TCF3: variants seen among roughly 807,000 people sequenced by gnomAD.
The protein encoded by TCF3 is transcription factor 3, also known as transcription factor E2-alpha.
TCF3 carries 54 observed loss-of-function variants against 72.3 expected under a neutral mutation model. The ratio of observed to expected loss-of-function variants is 0.75; its 90% CI spans 0.60 to 0.94. The LOEUF is 0.94. Ranked by LOEUF, TCF3 falls within the 40% of genes least tolerant of loss-of-function variation. The probability of loss-of-function intolerance (pLI) is 0.00; values close to 1 mark genes in which losing one functional copy is unlikely to be tolerated. For synonymous variants in TCF3, 525 were observed against 412.6 expected, an observed-to-expected ratio of 1.27 and a Z score of -3.30; for missense variants, 1,078 against 934.4, an observed-to-expected ratio of 1.15 and a Z score of -2.00.
intron 3 of TCF3, among the ~76,000 whole-genome samples, chr19:1,640,334 G>A (rs943094428): frequency 2.0e-5 from 3 of 152,106 alleles, no homozygotes; most frequent in African/African-American, 7.2e-5. Flanking sequence ...AGGAGACCGA[G>A]ACTGTCCTGG....
At chr19:1,624,823 G>A (rs1429301416) in intron 7 of TCF3, among the ~76,000 whole-genome samples, 3 of 152,126 alleles carry the variant, frequency 2.0e-5, no homozygotes, top group South Asian at 4.1e-4. Flanking sequence ...GATCTTTTAC[G>A]TTTTTGTGCT....
rs1002312504 is a variant in TCF3 at position 1,609,484 on chromosome 19, C to A, written c.*2223G>T. On this transcript the variant is annotated 3_prime_UTR_variant, in exon 19 of 19. Transcript: ENST00000262965. Reference sequence around the variant, plus strand: ...CACTCAGATCACACCCCCCACCCCCCATAATTGTGGTTCCCAGGAACTGCT... The same window carrying A: ...CACTCAGATCACACCCCCCACCCCCAATAATTGTGGTTCCCAGGAACTGCT... 4.2e-5 allele frequency: 9 copies of A among 215,360 alleles called. No homozygotes were observed. Among genetic ancestry groups the A allele is most frequent in the Non-Finnish European group, 8.4e-5 (9 of 107,404 alleles). The allele number at this position is 215,360 out of a possible 1,614,324, so 13.3% of individuals were successfully genotyped here. A position where few individuals can be genotyped will look rare whatever the true frequency, so the allele number is the denominator to read the frequency against.
chr19:1,646,763 A>T (rs1464959610), intron 2 of TCF3, among the ~76,000 whole-genome samples: 1 of 152,228 alleles, frequency 6.6e-6, no homozygotes, highest in African/African-American at 2.4e-5. Flanking sequence ...CATTAGGCGA[A>T]GGATACAACT....
Position 1,632,348 on chromosome 19 carries a change from G to A in TCF3, c.203C>T (p.Ser68Phe). 1 of 1,590,496 alleles carries A rather than the reference G, an allele frequency of 6.3e-7. No individual in the cohort carries two copies. Among genetic ancestry groups the A allele is most frequent in the Non-Finnish European group, 8.6e-7 (1 of 1,168,832 alleles). Residue 68 changes from serine to phenylalanine, a missense_variant, in exon 4 of 19, where the codon TCC becomes TTC. By Grantham distance (155) the Ser-to-Phe change is radical (BLOSUM62 -2). Coordinates refer to ENST00000262965, the MANE Select transcript of TCF3 (RefSeq NM_003200.5). ...GACTCCTACCCGGCTGGGGTCAAAGGAGGAGCTGCTCTGGTCGCCGCTGCC... is the reference window on the plus strand; with the variant it reads ...GACTCCTACCCGGCTGGGGTCAAAGAAGGAGCTGCTCTGGTCGCCGCTGCC... ...SWGSGDQSSS[S>F]FDPSRTFSEG...
Position 1,615,503 on chromosome 19 carries a change from TC to T in TCF3, c.1603del (p.Asp535ThrfsTer66). 2 of 1,608,710 alleles carry T rather than the reference TC, an allele frequency of 1.2e-6. No individual in the cohort carries two copies. Among genetic ancestry groups the T allele is most frequent in the East Asian group, 2.2e-5 (1 of 44,858 alleles). On this transcript the variant is annotated frameshift_variant, in exon 18 of 19. Transcript: ENST00000262965. LOFTEE classifies it high-confidence loss of function. The surrounding 1 kb of genome is among the most constrained non-coding windows in gnomAD (Gnocchi z 7.3). Reference sequence around the variant, plus strand: ...CTTCTGCTCTGGGGGGAGAAGGTCGTCCTCGTCCTCGTCTGGGCTATGGGGA... The same window carrying T: ...CTTCTGCTCTGGGGGGAGAAGGTCGTCTCGTCCTCGTCTGGGCTATGGGGA... ...RARTSPDEDE[D>X]DLLPPEQKAE...
Position 1,632,484 on chromosome 19 carries a change from G to T in TCF3, c.146-79C>A. The T allele has an allele frequency of 2.1e-6, 3 of 1,453,656 alleles. No homozygotes were observed. In the South Asian group the frequency reaches 3.7e-5, roughly 18 times the overall value. The allele number at this position is 1,453,656 out of a possible 1,614,324, so 90.0% of individuals were successfully genotyped here. The stretch of plus-strand genomic sequence containing the variant: ...AAAGCTTCGGTTCATCATCTCAGGG[G>T]CAAACCTCAGTGGACCCGGGGGGCT... On this transcript the variant is annotated intron_variant, in intron 3 of 18. Coordinates refer to ENST00000262965, the MANE Select transcript of TCF3 (RefSeq NM_003200.5).
chr19:1,643,161 C>T (rs558276375), intron 3 of TCF3, among the ~76,000 whole-genome samples: 57 of 152,286 alleles, frequency 3.7e-4, no homozygotes, highest in African/African-American at 1.3e-3. Context: ...TTTTAAATGT[C>T]TTCCGATCCA....
intron 16 of TCF3, among the ~76,000 whole-genome samples, chr19:1,617,126 G>A (rs1327581145): frequency 1.3e-5 from 2 of 152,242 alleles, no homozygotes; most frequent in Non-Finnish European, 2.9e-5. Flanking sequence ...AAAGTTGAGG[G>A]ACCTGAACAG....
rs781628625 is a variant in TCF3, at chr19:1,619,330, G to A, written c.1312C>T (p.Arg438Trp). 1.8e-5 allele frequency: 29 copies of A among 1,576,020 alleles called. No individual in the cohort carries two copies. The highest frequency in any genetic ancestry group is 2.0e-4 in the Middle Eastern group (1 of 5,076). Reference protein sequence around the residue: ...GFTGPMSLGGRHAGLVGGSHP... With the variant: ...GFTGPMSLGGWHAGLVGGSHP... ...CCAGCGCTCACCAGGCCTGCGTGCC[G>A]CCCGCCCAGTGACATGGGGCCGGTG... The change falls in exon 15 of 19, where the codon CGG becomes TGG. Residue 438 changes from arginine (R) to tryptophan (W), a missense_variant. By Grantham distance (101) the Arg-to-Trp change is moderately radical (BLOSUM62 -3). Coordinates refer to ENST00000262965, the MANE Select transcript of TCF3 (RefSeq NM_003200.5).
Position 1,621,062 on chromosome 19 carries a change from G to A in TCF3, c.1015-16C>T. 6.5e-7 allele frequency: 1 copy of A among 1,526,718 alleles called. No individual in the cohort carries two copies. Among genetic ancestry groups the A allele is most frequent in the South Asian group, 1.2e-5 (1 of 81,808 alleles). 94.6% of individuals were successfully genotyped at this position (1,526,718 alleles called of 1,614,324 possible). On this transcript the variant is annotated splice_polypyrimidine_tract_variant and intron_variant, in intron 12 of 18. Transcript: ENST00000262965. The stretch of plus-strand genomic sequence containing the variant: ...GGGAGTAGATCTGCGAGGAGGACCA[G>A]GAGAGATGGGCGGTCAGGGGCCGGC...
chr19:1,622,580 T>G (rs1215594309), intron 8 of TCF3, among the ~76,000 whole-genome samples, 165 bp from the exon 9 acceptor site: 2 of 152,048 alleles, frequency 1.3e-5, no homozygotes, highest in East Asian at 1.9e-4. Context: ...CTGGCCAAGT[T>G]TGAGGTTCTT....
intron 5 of TCF3, among the ~76,000 whole-genome samples, chr19:1,630,192 G>T (rs1447995380): frequency 1.3e-5 from 2 of 152,166 alleles, no homozygotes; most frequent in East Asian, 3.9e-4. Context: ...TGAGGAAGAG[G>T]CTGGGAGGAA....
chr19:1,615,610 G>T lies in TCF3; in HGVS notation c.1586+76C>A. On this transcript the variant is annotated intron_variant, in intron 17 of 18. Coordinates refer to ENST00000262965, the MANE Select transcript of TCF3 (RefSeq NM_003200.5). This position sits in a 1 kb window ranked among gnomAD's most constrained non-coding sequence, Gnocchi z 7.3. ...CCGCCGACGGCCTCCCAGTGTGGGT[G>T]CGGTGTGCGTGTGGCCTGTGCACAT... 1 of 1,609,314 alleles carries T rather than the reference G, an allele frequency of 6.2e-7. No individual in the cohort carries two copies.
At chr19:1,633,683 G>A (rs1437867156) in intron 3 of TCF3, among the ~76,000 whole-genome samples, 3 of 152,142 alleles carry the variant, frequency 2.0e-5, no homozygotes, top group Admixed American at 6.5e-5. Context: ...TTATGAGTGG[G>A]GGGCTGGGAT....
intron 5 of TCF3, 32 bp from the exon 6 acceptor site, chr19:1,627,458 C>T (rs748932590): frequency 4.4e-5 from 70 of 1,606,338 alleles, no homozygotes; most frequent in Middle Eastern, 3.4e-4. Flanking sequence ...TAGTGGGAGG[C>T]GACCCCAAGG....
chr19:1,623,996 CGT>C lies in TCF3; in HGVS notation c.502_503del (p.Thr168AlafsTer23), dbSNP rs761769409. ...RRRAADGSLD[T>X]QPKKVRKVPP... ...GGACCTTCCGGACCTTCTTGGGCTG[CGT>C]GTCTGTTAGAAGCAAAAGGGGTGAG... On this transcript the variant is annotated frameshift_variant and splice_region_variant, in exon 8 of 19. Coordinates refer to ENST00000262965, the MANE Select transcript of TCF3 (RefSeq NM_003200.5). LOFTEE classifies it high-confidence loss of function. 6.2e-7 allele frequency: 1 copy of C among 1,613,368 alleles called. No individual in the cohort carries two copies. The highest frequency in any genetic ancestry group is 8.5e-7 in the Non-Finnish European group (1 of 1,179,904).
Position 1,650,195 on chromosome 19 carries a change from G to C in TCF3, c.54C>G (p.Asp18Glu). 6.4e-7 allele frequency: 1 copy of C among 1,572,350 alleles called. No individual in the cohort carries two copies. The highest frequency in any genetic ancestry group is 1.3e-5 in the African/African-American group (1 of 74,722). Reference sequence around the variant, plus strand: ...GGCTCACCATGCTGAAGTCCAGGAGGTCACTGAGCTCCTTGTCTGTGCCCA... The same window carrying C: ...GGCTCACCATGCTGAAGTCCAGGAGCTCACTGAGCTCCTTGTCTGTGCCCA... Reference protein sequence around the residue: ...APVGTDKELSDLLDFSMMFPL... With the variant: ...APVGTDKELSELLDFSMMFPL... The change falls in exon 2 of 19, where the codon GAC (aspartate) becomes GAG (glutamate). Residue 18 changes from aspartate (D) to glutamate (E), a missense_variant. Asp to Glu is a conservative substitution (Grantham distance 45). Coordinates refer to ENST00000262965, the MANE Select transcript of TCF3 (RefSeq NM_003200.5).
intron 3 of TCF3, among the ~76,000 whole-genome samples, chr19:1,636,552 T>C (rs1444843664): frequency 6.6e-6 from 1 of 152,184 alleles, no homozygotes; most frequent in Admixed American, 6.5e-5. Flanking sequence ...TCCCACCTTG[T>C]ATTTCCCAAA....
intron 13 of TCF3, 76 bp from the exon 14 acceptor site, chr19:1,619,929 T>C (rs1372421120): frequency 7.9e-7 from 1 of 1,271,166 alleles, no homozygotes; most frequent in African/African-American, 1.5e-5. Flanking sequence ...GGGGAGGGAT[T>C]CATGAACCAC....
Sources: gnomAD v4.1 joint callset for allele counts (sites outside exome capture counted in the v4.1 genomes callset) on GRCh38, gnomAD v4.1.1 for gene constraint, Gnocchi (gnomAD v3.1) non-coding constraint, MANE v1.5 for transcripts, NCBI Gene and HGNC (gene_info 2026-07-23, HGNC 2026-07-21) for gene names.